Variants in DISC1 observed in about 807,000 individuals in gnomAD.
DISC1 encodes DISC1 scaffold protein.
A neutral mutation model predicts 84.5 loss-of-function variants in DISC1; 57 were observed. The observed-to-expected ratio is 0.67, with a 90% CI of 0.55 to 0.84. DISC1 has a LOEUF of 0.84. DISC1 is among the 40% of genes least tolerant of loss of function. The probability of loss-of-function intolerance (pLI) is 0.00; values close to 1 mark genes in which losing one functional copy is unlikely to be tolerated. For missense variants in DISC1, 1,000 were observed against 1,057.8 expected (o/e 0.95, Z 0.76); for synonymous variants, 411 against 415.2 (o/e 0.99, Z 0.12).
intron 9 of DISC1, among the ~76,000 whole-genome samples, chr1:231,950,503 G>C (rs192641655): frequency 1.6e-4 from 24 of 152,298 alleles, no homozygotes; most frequent in African/African-American, 5.8e-4. Context: ...AAAAGCATTT[G>C]ACAAAGGCAC....
At chr1:231,885,612 A>G (rs1005309992) in intron 9 of DISC1, among the ~76,000 whole-genome samples, 1 of 152,168 alleles carries the variant, frequency 6.6e-6, no homozygotes, top group Non-Finnish European at 1.5e-5. Flanking sequence ...TACTGCATTT[A>G]TGTGGGTAGT....
chr1:231,825,650 T>A (rs2081811150), intron 9 of DISC1, among the ~76,000 whole-genome samples: 2 of 152,192 alleles, frequency 1.3e-5, no homozygotes, highest in Admixed American at 1.3e-4. Flanking sequence ...GGTCATTGCC[T>A]GCATCCAACT....
intron 9 of DISC1, among the ~76,000 whole-genome samples, chr1:231,898,964 A>G (rs202002753): frequency 2.6e-5 from 4 of 151,860 alleles, no homozygotes; most frequent in Non-Finnish European, 4.4e-5. Context: ...AAACAAAACA[A>G]AAAAAACCCC....
chr1:231,959,378 T>C (rs1660069203), intron 10 of DISC1: 4 of 985,854 alleles, frequency 4.1e-6, no homozygotes, highest in Non-Finnish European at 4.8e-6. Flanking sequence ...CTTTGAGAAA[T>C]GTCAGGGATG....
chr1:231,853,450 A>G (rs11588004), intron 9 of DISC1, among the ~76,000 whole-genome samples: 49,515 of 152,092 alleles, frequency 0.33, 8,490 homozygotes, highest in East Asian at 0.39. Flanking sequence ...ACTGTAGGCA[A>G]TTGTCACACT....
intron 1 of DISC1, among the ~76,000 whole-genome samples, chr1:231,651,351 T>C (rs548256248): frequency 9.8e-5 from 15 of 152,376 alleles, no homozygotes; most frequent in Non-Finnish European, 1.8e-4. Context: ...TGGAGTTTGC[T>C]GGAGGTCCAC....
chr1:231,911,074 CAT>C (rs2089156447), intron 9 of DISC1, among the ~76,000 whole-genome samples: 1 of 152,178 alleles, frequency 6.6e-6, no homozygotes, highest in South Asian at 2.1e-4. Flanking sequence ...TGTGTCTCTG[CAT>C]GTGAGATGGG....
intron 8 of DISC1, among the ~76,000 whole-genome samples, chr1:231,800,985 G>A (rs968877259): frequency 2.6e-5 from 4 of 151,838 alleles, no homozygotes; most frequent in African/African-American, 9.7e-5. Flanking sequence ...AGTTTTATAG[G>A]TTGAATGGAC....
At chr1:231,661,100 A>T (rs1284086001) in intron 1 of DISC1, among the ~76,000 whole-genome samples, 3 of 151,862 alleles carry the variant, frequency 2.0e-5, no homozygotes, top group African/African-American at 7.3e-5. Flanking sequence ...TAGGGTTTCC[A>T]TTGAGAGGTC....
chr1:231,908,352 A>G (rs1245822528), intron 9 of DISC1, among the ~76,000 whole-genome samples: 1 of 152,164 alleles, frequency 6.6e-6, no homozygotes, highest in Non-Finnish European at 1.5e-5. Flanking sequence ...TAATTTTTGT[A>G]TAAGGTGTAA....
At chr1:231,818,881 T>G in intron 9 of DISC1, 5 of 1,065,538 alleles carry the variant, frequency 4.7e-6, no homozygotes, top group Non-Finnish European at 5.7e-6. Flanking sequence ...GTCTGCACAA[T>G]CATAGACTAA....
At chr1:232,032,686 G>A (rs1279637722) in intron 12 of DISC1, among the ~76,000 whole-genome samples, 2 of 152,226 alleles carry the variant, frequency 1.3e-5, no homozygotes, top group Non-Finnish European at 2.9e-5. Flanking sequence ...GGCTTCATAA[G>A]AATTATTCTG....
intron 10 of DISC1, among the ~76,000 whole-genome samples, chr1:231,990,012 C>T (rs560013896): frequency 6.6e-6 from 1 of 152,250 alleles, no homozygotes; most frequent in South Asian, 2.1e-4. Flanking sequence ...TTGTCTAGGA[C>T]TCAAGAGGCA....
In DISC1 at chr1:231,778,708, T is replaced by A. The variant is rs1254004587; in HGVS notation, c.1634+7638T>A. ...GAGGATTGGAAAAGAAGGAAGAGAT[T>A]TGAAAATCCCCCTTATCTGGCTGGG... On this transcript the variant is annotated intron_variant, in intron 6 of 12. Coordinates refer to ENST00000439617, the MANE Select transcript of DISC1 (RefSeq NM_018662.3). Among the ~76,000 whole-genome samples, 5 of 152,304 alleles carry A rather than the reference T, an allele frequency of 3.3e-5. No individual in the cohort carries two copies. In the East Asian group the frequency reaches 7.7e-4, roughly 24 times the overall value.
At position 232,036,898 on chromosome 1, in the gene DISC1, C is replaced by T; in HGVS notation, c.*67C>T. The T allele has an allele frequency of 1.4e-6, 2 of 1,408,946 alleles. No homozygotes were observed. The highest frequency in any genetic ancestry group is 2.4e-5 in the Admixed American group (1 of 41,674). 87.3% of individuals were successfully genotyped at this position (1,408,946 alleles called of 1,614,324 possible). On this transcript the variant is annotated 3_prime_UTR_variant, in exon 13 of 13. Coordinates refer to ENST00000439617, the MANE Select transcript of DISC1 (RefSeq NM_018662.3). ...GACCCGGGGGGCTGCTCTTCCCTCC[C>T]CCGCCATAGCTAAGATGCCTGAATC...
chr1:231,836,430 A>T, intron 9 of DISC1, among the ~76,000 whole-genome samples: 1 of 152,228 alleles, frequency 6.6e-6, no homozygotes, highest in East Asian at 1.9e-4. Flanking sequence ...CATCAGGGGC[A>T]TGAAAAATGG....
intron 3 of DISC1, among the ~76,000 whole-genome samples, chr1:231,739,107 C>T (rs941958832): frequency 1.3e-5 from 2 of 152,172 alleles, no homozygotes; most frequent in African/African-American, 4.8e-5. Flanking sequence ...TAGGCCTTCT[C>T]AGTAGGTAAA....
chr1:232,029,923 A>G (rs933089285), intron 12 of DISC1, among the ~76,000 whole-genome samples: 3 of 152,206 alleles, frequency 2.0e-5, no homozygotes, highest in Admixed American at 6.5e-5. Flanking sequence ...TACTTTTATT[A>G]AGAAGACACT....
At position 231,678,777 on chromosome 1, in the gene DISC1, T is replaced by C. The variant is rs567905303; in HGVS notation, c.68-15049T>C. 3.3e-3 allele frequency among the ~76,000 whole-genome samples: 499 copies of C among 152,300 alleles called. 7 individuals carry two copies. The highest frequency in any genetic ancestry group is 0.011 in the African/African-American group (478 of 41,574). On this transcript the variant is annotated intron_variant, in intron 1 of 12. Transcript: ENST00000439617. Reference sequence around the variant, plus strand: ...GCCTCCCGAGTTCAAGCCATTCTCCTGCCTCAGCCTCCCAAGTAGCTGGGA... The same window carrying C: ...GCCTCCCGAGTTCAAGCCATTCTCCCGCCTCAGCCTCCCAAGTAGCTGGGA...
Sources: allele counts gnomAD v4.1 joint callset (sites outside exome capture counted in the v4.1 genomes callset), GRCh38; gene constraint gnomAD v4.1.1; transcripts MANE v1.5; gene names NCBI Gene and HGNC (gene_info 2026-07-23, HGNC 2026-07-21).